Variants in GUCY1A2 observed in about 807,000 individuals in gnomAD.
GUCY1A2 encodes the protein guanylate cyclase 1 soluble subunit alpha 2.
In GUCY1A2, 27 loss-of-function variants were observed where a neutral mutation model predicts 63.5. The observed-to-expected ratio is 0.43, with a 90% CI of 0.31 to 0.59. The LOEUF (loss-of-function observed/expected upper bound fraction) is 0.59. GUCY1A2 is among the 20% of genes least tolerant of loss of function. The probability of loss-of-function intolerance (pLI) is 0.11; values close to 1 mark genes in which losing one functional copy is unlikely to be tolerated. For synonymous variants in GUCY1A2, 364 were observed against 343.5 expected (o/e 1.06, Z -0.66); for missense variants, 768 against 913.3 (o/e 0.84, Z 2.05).
chr11:106,947,562 ATG>A (rs1860847365), intron 3 of GUCY1A2, among the ~76,000 whole-genome samples: 1 of 152,072 alleles, frequency 6.6e-6, no homozygotes, highest in Non-Finnish European at 1.5e-5. Context: ...ATATGTACAT[ATG>A]TATTATATGT....
At chr11:106,725,398 TCCTGACC>T in intron 6 of GUCY1A2, among the ~76,000 whole-genome samples, 1 of 47,400 alleles carries the variant, frequency 2.1e-5, no homozygotes, top group Non-Finnish European at 5.0e-5. Flanking sequence ...GGTCTCGATC[TCCTGACC>T]TCGTGATCCG....
At chr11:106,974,875 T>G (rs1264176667) in intron 3 of GUCY1A2, among the ~76,000 whole-genome samples, 3 of 152,156 alleles carry the variant, frequency 2.0e-5, no homozygotes, top group African/African-American at 7.2e-5. Context: ...AACTATACTT[T>G]GAGCAATACT....
chr11:106,775,203 A>AT (rs1239376587), intron 6 of GUCY1A2, among the ~76,000 whole-genome samples: 6 of 152,294 alleles, frequency 3.9e-5, no homozygotes, highest in Non-Finnish European at 8.8e-5. Flanking sequence ...GTCAGGAAGA[A>AT]TTTTTTGTGA....
chr11:106,989,628 A>C (rs1384872244), intron 1 of GUCY1A2, among the ~76,000 whole-genome samples: 1 of 152,184 alleles, frequency 6.6e-6, no homozygotes, highest in African/African-American at 2.4e-5. Flanking sequence ...CCACAGGTGT[A>C]ATGTTTCAAG....
rs535350683 is a variant in GUCY1A2 at position 106,840,786 on chromosome 11, C to A, written c.1207-30308G>T. ...AAGATGTTATTACTTTAATATACAGCAAAACATGACAGAAAATTCCGAACA... is the reference window on the plus strand; with the variant it reads ...AAGATGTTATTACTTTAATATACAGAAAAACATGACAGAAAATTCCGAACA... On this transcript the variant is annotated intron_variant, in intron 4 of 7. Transcript: ENST00000526355. 4.5e-4 allele frequency among the ~76,000 whole-genome samples: 68 copies of A among 151,870 alleles called. No homozygotes were observed. In the South Asian group the frequency reaches 0.014, roughly 31 times the overall value.
At position 106,900,999 on chromosome 11, in the gene GUCY1A2, C is replaced by T. The variant is rs536011796; in HGVS notation, c.1206+38461G>A. Reference sequence around the variant, plus strand: ...CAATAAAGTTTGCCATATTGATTGACCCTTACTTTATGAAAGATTTCTCTC... The same window carrying T: ...CAATAAAGTTTGCCATATTGATTGATCCTTACTTTATGAAAGATTTCTCTC... On this transcript the variant is annotated intron_variant, in intron 4 of 7. Transcript: ENST00000526355. Among the ~76,000 whole-genome samples the T allele has an allele frequency of 7.2e-5, 11 of 152,246 alleles. No homozygotes were observed. The South Asian group carries it at 2.3e-3, about 32-fold the overall frequency.
intron 4 of GUCY1A2, among the ~76,000 whole-genome samples, chr11:106,877,913 C>A (rs1859772101): frequency 6.6e-6 from 1 of 151,774 alleles, no homozygotes; most frequent in African/African-American, 2.4e-5. Flanking sequence ...CTATAACAAA[C>A]TTAAACAAAC....
At chr11:106,873,846 T>C (rs1360389843) in intron 4 of GUCY1A2, among the ~76,000 whole-genome samples, 1 of 152,186 alleles carries the variant, frequency 6.6e-6, no homozygotes, top group African/African-American at 2.4e-5. Flanking sequence ...TCTTCACCAA[T>C]AGACTAGTTT....
chr11:106,909,913 G>C (rs911077300), intron 4 of GUCY1A2, among the ~76,000 whole-genome samples: 4 of 151,944 alleles, frequency 2.6e-5, no homozygotes, highest in Non-Finnish European at 5.9e-5. Context: ...CCACAACTTT[G>C]TGGGCACATT....
chr11:107,013,006 T>C (rs1279849465), intron 1 of GUCY1A2, among the ~76,000 whole-genome samples: 1 of 142,196 alleles, frequency 7.0e-6, no homozygotes, highest in Non-Finnish European at 1.5e-5. Flanking sequence ...AGCTAAAGTA[T>C]TTTATGCCTT....
chr11:106,900,950 G>A (rs1228044641), intron 4 of GUCY1A2, among the ~76,000 whole-genome samples: 2 of 152,142 alleles, frequency 1.3e-5, no homozygotes, highest in South Asian at 2.1e-4. Flanking sequence ...TGAAGGTTGA[G>A]GTAGTTCTGA....
intron 4 of GUCY1A2, among the ~76,000 whole-genome samples, chr11:106,911,177 T>C (rs1860288829): frequency 6.6e-6 from 1 of 152,004 alleles, no homozygotes; most frequent in Non-Finnish European, 1.5e-5. Flanking sequence ...TACAATTTAA[T>C]GTTTTTACCT....
chr11:107,017,729 T>TCCCC, intron 1 of GUCY1A2, 24 bp downstream of exon 1: 1 of 1,322,064 alleles, frequency 7.6e-7, no homozygotes, highest in Non-Finnish European at 9.8e-7. Context: ...CCGAAGGCGG[T>TCCCC]CCCCCCTTCC....
chr11:106,855,392 AG>A (rs1859415028), intron 4 of GUCY1A2, among the ~76,000 whole-genome samples: 1 of 152,192 alleles, frequency 6.6e-6, no homozygotes, highest in African/African-American at 2.4e-5. Context: ...TATGCCTCAG[AG>A]GGTCCCTGTC....
chr11:106,800,344 T>C (rs1447586196), intron 5 of GUCY1A2, among the ~76,000 whole-genome samples: 5 of 152,136 alleles, frequency 3.3e-5, no homozygotes, highest in Non-Finnish European at 7.3e-5. Context: ...TCCTCAAGGA[T>C]CTAGAACTAG....
intron 5 of GUCY1A2, among the ~76,000 whole-genome samples, chr11:106,785,897 AG>A (rs1253554022): frequency 7.3e-5 from 11 of 150,006 alleles, no homozygotes; most frequent in African/African-American, 2.5e-4. Context: ...TTTAAAGAGC[AG>A]TGGCTTTCAG....
chr11:107,008,777 G>GAT (rs1272430873), intron 1 of GUCY1A2, among the ~76,000 whole-genome samples: 2 of 152,162 alleles, frequency 1.3e-5, no homozygotes, highest in East Asian at 3.9e-4. Context: ...CAGAAATCAC[G>GAT]ATATATATAC....
chr11:106,752,557 T>C lies in GUCY1A2; in HGVS notation c.1836+23882A>G, dbSNP rs184391928. Among the ~76,000 whole-genome samples, 9 of 151,120 alleles carry C rather than the reference T, an allele frequency of 6.0e-5. No individual in the cohort carries two copies. In the East Asian group the frequency reaches 1.8e-3, roughly 29 times the overall value. ...CCCTGGTGTGTGATGTTCCCCTCCCTGTGCCCATGTGTTCTCATTGTTCAA... is the reference window on the plus strand; with the variant it reads ...CCCTGGTGTGTGATGTTCCCCTCCCCGTGCCCATGTGTTCTCATTGTTCAA... On this transcript the variant is annotated intron_variant, in intron 6 of 7. Transcript: ENST00000526355.
chr11:106,937,153 G>A (rs1486908135), intron 4 of GUCY1A2, among the ~76,000 whole-genome samples: 1 of 152,098 alleles, frequency 6.6e-6, no homozygotes, highest in Non-Finnish European at 1.5e-5. Flanking sequence ...AGGTGAGTAA[G>A]CAGAAATAAA....
Sources: allele counts gnomAD v4.1 joint callset (sites outside exome capture counted in the v4.1 genomes callset), GRCh38; gene constraint gnomAD v4.1.1; transcripts MANE v1.5; gene names NCBI Gene and HGNC (gene_info 2026-07-23, HGNC 2026-07-21).